Variants in VKORC1L1 observed in about 807,000 individuals in gnomAD.
VKORC1L1 encodes vitamin K epoxide reductase complex subunit 1L1.
Under a neutral mutation model 18.9 loss-of-function variants are expected in VKORC1L1, and 2 were observed. The ratio of observed to expected loss-of-function variants is 0.11; its 90% CI spans 0.04 to 0.33. The LOEUF (loss-of-function observed/expected upper bound fraction) is 0.33. Among genes scored for constraint, VKORC1L1 ranks in the 10% least tolerant of loss-of-function variants. The pLI is 1.00. For synonymous variants in VKORC1L1, 96 were observed against 100.0 expected (o/e 0.96, Z 0.24); for missense variants, 123 against 224.1 (o/e 0.55, Z 2.88).
At chr7:65,951,339 G>A (rs1055287549) in intron 2 of VKORC1L1, among the ~76,000 whole-genome samples, 1 of 152,138 alleles carries the variant, frequency 6.6e-6, no homozygotes, top group Non-Finnish European at 1.5e-5. Flanking sequence ...ATTTTGGGAG[G>A]CCAAGATGGG....
intron 1 of VKORC1L1, among the ~76,000 whole-genome samples, chr7:65,933,655 C>T (rs1449773329): frequency 6.6e-6 from 1 of 151,924 alleles, no homozygotes; most frequent in African/African-American, 2.4e-5. Context: ...CAATGTATGT[C>T]TTTTATTGGT....
At chr7:65,871,015 G>T (rs1788719218), upstream of VKORC1L1, among the ~76,000 whole-genome samples, 1 of 152,102 alleles carries the variant, frequency 6.6e-6, no homozygotes, top group Admixed American at 6.6e-5. Flanking sequence ...TGAACTGCTG[G>T]CCTCAAGCAA....
At chr7:65,900,327 G>A (rs1242143295) in intron 1 of VKORC1L1, among the ~76,000 whole-genome samples, 3 of 150,848 alleles carry the variant, frequency 2.0e-5, no homozygotes, top group Non-Finnish European at 4.4e-5. Flanking sequence ...GAGGGGAGGC[G>A]GAGCTTGCAG....
chr7:65,882,020 C>A (rs2116334431), intron 1 of VKORC1L1, among the ~76,000 whole-genome samples: 1 of 151,984 alleles, frequency 6.6e-6, no homozygotes, highest in South Asian at 2.1e-4. Flanking sequence ...GCAGAGGTTG[C>A]AGTGAGCTGA....
chr7:65,941,847 G>A (rs1245233259), intron 1 of VKORC1L1, among the ~76,000 whole-genome samples: 1 of 151,760 alleles, frequency 6.6e-6, no homozygotes, highest in Non-Finnish European at 1.5e-5. Flanking sequence ...TTTGAGTAGA[G>A]ATGGGATTTC....
chr7:65,909,688 CTTTGTGTGTGTGTG>C (rs953067357), intron 1 of VKORC1L1, among the ~76,000 whole-genome samples: 1 of 81,080 alleles, frequency 1.2e-5, no homozygotes, highest in African/African-American at 5.9e-5. Context: ...TTGTTTTAGC[CTTTGTGTGTGTGTG>C]TGTGTGTGTG....
chr7:65,884,695 A>C lies in VKORC1L1; in HGVS notation c.194+11130A>C, dbSNP rs543457560. Among the ~76,000 whole-genome samples the C allele has an allele frequency of 7.9e-5, 12 of 152,332 alleles. No homozygotes were observed. The South Asian group carries it at 2.5e-3, about 32-fold the overall frequency. On this transcript the variant is annotated intron_variant, in intron 1 of 2. Transcript: ENST00000360768. ...TGTTAAAAATTCCACCAGTAATGGAATAGAATATTAGGTGCCCTGTGCCCT... is the reference window on the plus strand; with the variant it reads ...TGTTAAAAATTCCACCAGTAATGGACTAGAATATTAGGTGCCCTGTGCCCT...
chr7:65,946,989 A>AT (rs1255211979), intron 1 of VKORC1L1, among the ~76,000 whole-genome samples: 1 of 123,808 alleles, frequency 8.1e-6, no homozygotes. Context: ...ACCAAAAAAA[A>AT]AATATATATA....
chr7:65,917,654 A>G (rs1306249863), intron 1 of VKORC1L1, among the ~76,000 whole-genome samples: 3 of 152,186 alleles, frequency 2.0e-5, no homozygotes, highest in African/African-American at 7.2e-5. Flanking sequence ...AGATTCTACC[A>G]TTAACATTTC....
At position 65,955,435 on chromosome 7, in the gene VKORC1L1, A is replaced by C. The variant is rs550006784; in HGVS notation, c.*1135A>C. 1 of 152,362 alleles carries C rather than the reference A, an allele frequency of 6.6e-6. No homozygotes were observed. Among genetic ancestry groups the C allele is most frequent in the East Asian group, 1.9e-4 (1 of 5,192 alleles). The allele number at this position is 152,362 out of a possible 1,614,324, so 9.4% of individuals were successfully genotyped here. ...AACCTTCAGGGCTGACATGCTGCCC[A>C]GTTTGCTTCATCGGGAGAATAGCAA... On this transcript the variant is annotated 3_prime_UTR_variant, in exon 3 of 3. Transcript: ENST00000360768.
rs1203455210 is a variant in VKORC1L1 at position 65,954,378 on chromosome 7, A to G, written c.*78A>G. On this transcript the variant is annotated 3_prime_UTR_variant, in exon 3 of 3. Coordinates refer to ENST00000360768, the MANE Select transcript of VKORC1L1 (RefSeq NM_173517.6). ...TTTGCAGCAGGTTTTTATTATTATT[A>G]TTATTATTATTATTCACAACAGACA... 2 of 1,482,650 alleles carry G rather than the reference A, an allele frequency of 1.3e-6. No homozygotes were observed. Among genetic ancestry groups the G allele is most frequent in the East Asian group, 2.5e-5 (1 of 39,862 alleles). 91.8% of individuals were successfully genotyped at this position (1,482,650 alleles called of 1,614,324 possible). A position where few individuals can be genotyped will look rare whatever the true frequency, so the allele number is the denominator to read the frequency against.
At chr7:65,895,466 AAAAAAAAAAAAAAAATATATATATAT>A (rs1312603473) in intron 1 of VKORC1L1, among the ~76,000 whole-genome samples, 331 of 50,354 alleles carry the variant, frequency 6.6e-3, no homozygotes, top group African/African-American at 0.027. Context: ...AAAAAAAAAA[AAAAAAAAAAAAAAAATATATATATAT>A]ATATATATAT....
In VKORC1L1 at chr7:65,908,836, C is replaced by CAAA. The variant is rs5884577; in HGVS notation, c.194+35287_194+35289dup. Among the ~76,000 whole-genome samples the CAAA allele has an allele frequency of 9.5e-3, 994 of 104,738 alleles. 43 individuals are homozygous for CAAA. Among genetic ancestry groups the CAAA allele is most frequent in the African/African-American group, 0.028 (803 of 28,258 alleles). The allele number at this position is 104,738 out of a possible 152,430, so 68.7% of individuals were successfully genotyped here. A position where few individuals can be genotyped will look rare whatever the true frequency, so the allele number is the denominator to read the frequency against. The stretch of plus-strand genomic sequence containing the variant: ...TGGGTGACAAAGCAAGACTCCATCT[C>CAAA]AAAAAAAAAAAAAAAAAATTCCAAT... On this transcript the variant is annotated intron_variant, in intron 1 of 2. Coordinates refer to ENST00000360768, the MANE Select transcript of VKORC1L1 (RefSeq NM_173517.6).
chr7:65,954,514 C>A lies in VKORC1L1; in HGVS notation c.*214C>A. 1.2e-6 allele frequency: 1 copy of A among 826,278 alleles called. No homozygotes were observed. The highest frequency in any genetic ancestry group is 1.7e-6 in the Non-Finnish European group (1 of 577,908). 51.2% of individuals were successfully genotyped at this position (826,278 alleles called of 1,614,324 possible). ...AAATATGGATACAAAAAGGATACGC[C>A]GAGCCAATCAAAGACAAGCTTTAAC... On this transcript the variant is annotated 3_prime_UTR_variant, in exon 3 of 3. Transcript: ENST00000360768.
chr7:65,867,393 G>A, the VKORC1L1 span, among the ~76,000 whole-genome samples: 399 of 152,082 alleles, frequency 2.6e-3, 2 homozygotes, highest in African/African-American at 9.2e-3. Flanking sequence ...AGGGAATGAG[G>A]ATATTTAAGT....
intron 1 of VKORC1L1, among the ~76,000 whole-genome samples, chr7:65,937,659 C>T (rs1789965594): frequency 6.6e-6 from 1 of 152,116 alleles, no homozygotes; most frequent in Non-Finnish European, 1.5e-5. Flanking sequence ...GCAATCCCTC[C>T]AACCTCAGCC....
At chr7:65,907,162 A>C (rs1583839934) in intron 1 of VKORC1L1, among the ~76,000 whole-genome samples, 1 of 152,176 alleles carries the variant, frequency 6.6e-6, no homozygotes, top group East Asian at 1.9e-4. Context: ...GTTTTTGGCC[A>C]GGCTCGGTGG....
chr7:65,933,639 G>A (rs959566439), intron 1 of VKORC1L1, among the ~76,000 whole-genome samples: 1 of 152,038 alleles, frequency 6.6e-6, no homozygotes, highest in African/African-American at 2.4e-5. Context: ...TTTCAGTTCA[G>A]TTTGACAATG....
At chr7:65,915,934 A>G (rs893651145) in intron 1 of VKORC1L1, among the ~76,000 whole-genome samples, 4 of 151,808 alleles carry the variant, frequency 2.6e-5, no homozygotes, top group Non-Finnish European at 5.9e-5. Flanking sequence ...AAAATGGTGA[A>G]ACCCCGTCTC....
Sources: gnomAD v4.1 joint callset for allele counts (sites outside exome capture counted in the v4.1 genomes callset) on GRCh38, gnomAD v4.1.1 for gene constraint, MANE v1.5 for transcripts, NCBI Gene and HGNC (gene_info 2026-07-23, HGNC 2026-07-21) for gene names.